The following PCDHA5 variants were observed in gnomAD, a reference collection of about 807,000 sequenced individuals.
PCDHA5 encodes protocadherin alpha 5.
Under a neutral mutation model 61.6 loss-of-function variants are expected in PCDHA5, and 43 were observed. The ratio of observed to expected loss-of-function variants is 0.70; its 90% CI spans 0.55 to 0.90. PCDHA5 has a LOEUF of 0.90. Among genes scored for constraint, PCDHA5 ranks in the 40% least tolerant of loss-of-function variants. The probability of loss-of-function intolerance (pLI) is 0.00; values close to 1 mark genes in which losing one functional copy is unlikely to be tolerated. For missense variants in PCDHA5, 1,298 were observed against 1,222.7 expected, an observed-to-expected ratio of 1.06 and a Z score of -0.92; for synonymous variants, 627 against 543.9, an observed-to-expected ratio of 1.15 and a Z score of -2.13.
chr5:140,829,543 G>A (rs1581881467), intron 1 of PCDHA5: 4 of 1,612,982 alleles, frequency 2.5e-6, no homozygotes, highest in Non-Finnish European at 3.4e-6. Flanking sequence ...ACGCGGACGC[G>A]CAGGAGAACG....
intron 1 of PCDHA5, among the ~76,000 whole-genome samples, chr5:140,941,369 T>C (rs2093052615): frequency 6.8e-6 from 1 of 147,356 alleles, no homozygotes; most frequent in Non-Finnish European, 1.5e-5. Context: ...TAGGCTGGAG[T>C]GTAGTGACAG....
chr5:140,836,200 G>C lies in PCDHA5; in HGVS notation c.2352+12073G>C, dbSNP rs2150255227. ...GACGCTGACTCAGGCTACAACGCGT[G>C]GCTTTCGTATGAGTTGCAACCGGTG... On this transcript the variant is annotated intron_variant, in intron 1 of 3. Transcript: ENST00000529859. 4 of 1,613,854 alleles carry C rather than the reference G, an allele frequency of 2.5e-6. No individual in the cohort carries two copies. The South Asian group carries it at 4.4e-5, about 18-fold the overall frequency.
At chr5:140,986,141 G>C (rs1473474920) in intron 3 of PCDHA5, among the ~76,000 whole-genome samples, 2 of 152,138 alleles carry the variant, frequency 1.3e-5, no homozygotes, top group African/African-American at 2.4e-5. Context: ...ATCAACAAGG[G>C]CATCACCAAG....
chr5:140,826,087 T>C (rs1486098710), intron 1 of PCDHA5, among the ~76,000 whole-genome samples: 1 of 152,234 alleles, frequency 6.6e-6, no homozygotes, highest in East Asian at 1.9e-4. Flanking sequence ...ATTTTATAAG[T>C]ACCCTTCTAT....
intron 1 of PCDHA5, chr5:140,848,966 G>C (rs2150427042): frequency 1.9e-5 from 31 of 1,605,602 alleles, no homozygotes; most frequent in Non-Finnish European, 2.6e-5. Flanking sequence ...TAGAGGGCGC[G>C]TCCGATGCAG....
chr5:140,985,887 C>A (rs765609645), intron 3 of PCDHA5, among the ~76,000 whole-genome samples: 2 of 151,840 alleles, frequency 1.3e-5, no homozygotes, highest in Non-Finnish European at 2.9e-5. Context: ...CTACAGGCGC[C>A]CGCCACCACT....
chr5:140,883,313 G>T, intron 1 of PCDHA5: 1 of 1,614,118 alleles, frequency 6.2e-7, no homozygotes, highest in Non-Finnish European at 8.5e-7. Context: ...TAACGCCCCA[G>T]AGGTTACCAT....
intron 1 of PCDHA5, chr5:140,875,336 G>T: frequency 7.0e-7 from 1 of 1,438,564 alleles, no homozygotes; most frequent in Non-Finnish European, 9.1e-7. Context: ...GAATAGGATC[G>T]ACTCCATAAT....
intron 1 of PCDHA5, 147 bp downstream of exon 1, chr5:140,824,274 A>G (rs2150133903): frequency 1.5e-4 from 169 of 1,155,556 alleles, no homozygotes; most frequent in Middle Eastern, 6.1e-4. Context: ...CATGTATTAT[A>G]TGCTTTTTAT....
intron 1 of PCDHA5, among the ~76,000 whole-genome samples, chr5:140,827,031 A>G (rs1396094273): frequency 6.6e-6 from 1 of 152,234 alleles, no homozygotes; most frequent in East Asian, 1.9e-4. Flanking sequence ...GAATTTAAAA[A>G]TTTGAATTTG....
At chr5:140,846,915 C>G (rs1464406518) in intron 1 of PCDHA5, among the ~76,000 whole-genome samples, 1 of 149,458 alleles carries the variant, frequency 6.7e-6, no homozygotes, top group Non-Finnish European at 1.5e-5. Context: ...CAATCATTTC[C>G]TATTTGAATT....
At chr5:140,867,473 GA>G (rs1319417026) in intron 1 of PCDHA5, 2 of 151,968 alleles carry the variant, frequency 1.3e-5, no homozygotes, top group Non-Finnish European at 2.9e-5. Flanking sequence ...ACAACATTGG[GA>G]AAAGAGTAAA....
chr5:140,892,498 T>G (rs937078713), intron 1 of PCDHA5, among the ~76,000 whole-genome samples: 3 of 152,232 alleles, frequency 2.0e-5, no homozygotes, highest in Non-Finnish European at 4.4e-5. Flanking sequence ...AGAGATTGTT[T>G]AAGAAGTTCC....
chr5:140,877,987 C>A (rs1290531354), intron 1 of PCDHA5: 13 of 1,151,196 alleles, frequency 1.1e-5, no homozygotes, highest in African/African-American at 3.1e-5. Context: ...TCATTTTGAA[C>A]TTTTATGTAT....
chr5:140,886,413 C>T (rs1465937681), intron 1 of PCDHA5, among the ~76,000 whole-genome samples: 1 of 152,042 alleles, frequency 6.6e-6, no homozygotes, highest in Non-Finnish European at 1.5e-5. Flanking sequence ...ATGTTTTCCT[C>T]CTATATTATT....
At chr5:140,946,249 C>T (rs930979647) in intron 1 of PCDHA5, among the ~76,000 whole-genome samples, 2 of 151,896 alleles carry the variant, frequency 1.3e-5, no homozygotes, top group Admixed American at 6.6e-5. Flanking sequence ...CATCATGAAT[C>T]ATCAGAAAAA....
chr5:140,999,409 T>C (rs1554256782), intron 3 of PCDHA5, among the ~76,000 whole-genome samples: 1 of 152,186 alleles, frequency 6.6e-6, no homozygotes, highest in African/African-American at 2.4e-5. Flanking sequence ...TATGAAAGAA[T>C]GGGAGCTAAG....
chr5:140,872,307 C>T (rs1329371918), intron 1 of PCDHA5, among the ~76,000 whole-genome samples: 2 of 152,046 alleles, frequency 1.3e-5, no homozygotes, highest in East Asian at 3.9e-4. Flanking sequence ...TTATATGCTG[C>T]TTTATGGAAA....
Position 140,850,654 on chromosome 5 carries a change from T to C in PCDHA5, c.2352+26527T>C, listed in dbSNP as rs2150492397. On this transcript the variant is annotated intron_variant, in intron 1 of 3. Coordinates refer to ENST00000529859, the MANE Select transcript of PCDHA5 (RefSeq NM_018908.3). ...GTTCTCACGCTGCTGCTGTACACTG[T>C]GCTGCGGTGCTCGGCGATGCCCACC... The C allele has an allele frequency of 1.6e-5, 25 of 1,598,638 alleles. 2 individuals are homozygous for C. The highest frequency in any genetic ancestry group is 2.1e-5 in the Non-Finnish European group (25 of 1,167,896).
Sources: allele counts gnomAD v4.1 joint callset (sites outside exome capture counted in the v4.1 genomes callset), GRCh38; gene constraint gnomAD v4.1.1; transcripts MANE v1.5; gene names NCBI Gene and HGNC (gene_info 2026-07-23, HGNC 2026-07-21).